Variants in UROS observed in about 807,000 individuals in gnomAD.
UROS encodes uroporphyrinogen III synthase, also known as uroporphyrinogen-III synthase.
A neutral mutation model predicts 33.0 loss-of-function variants in UROS; 18 were observed. That is an observed-to-expected ratio of 0.55 (90% CI 0.38 to 0.81). The LOEUF (loss-of-function observed/expected upper bound fraction) is 0.81, where lower values mean the gene tolerates loss of function less well. UROS is among the 30% of genes least tolerant of loss of function. The probability of loss-of-function intolerance (pLI) is 0.00; values close to 1 mark genes in which losing one functional copy is unlikely to be tolerated. For missense variants in UROS, 293 were observed against 314.9 expected, an observed-to-expected ratio of 0.93 and a Z score of 0.53; for synonymous variants, 114 against 121.1, an observed-to-expected ratio of 0.94 and a Z score of 0.38.
chr10:125,792,130 G>A (rs548107833), intron 9 of UROS: 1 of 152,054 alleles, frequency 6.6e-6, no homozygotes, highest in Non-Finnish European at 1.5e-5. Flanking sequence ...AAATTTTATG[G>A]TTTGTGAATT....
intron 5 of UROS, among the ~76,000 whole-genome samples, chr10:125,809,537 G>A (rs757435770): frequency 6.6e-6 from 1 of 152,122 alleles, no homozygotes; most frequent in East Asian, 1.9e-4. Context: ...GCCACTGTAA[G>A]TGAAACGACA....
intron 5 of UROS, among the ~76,000 whole-genome samples, chr10:125,811,861 T>C (rs1035388553): frequency 2.0e-5 from 3 of 152,032 alleles, no homozygotes; most frequent in Non-Finnish European, 4.4e-5. Context: ...AAAAAAATTA[T>C]AGTAAAAATA....
intron 6 of UROS, among the ~76,000 whole-genome samples, chr10:125,800,508 G>A (rs909124796): frequency 1.3e-5 from 2 of 152,054 alleles, no homozygotes; most frequent in African/African-American, 4.8e-5. Context: ...TCAATAATGA[G>A]GGAGAAACCT....
chr10:125,819,263 T>A (rs1035899398), intron 1 of UROS, among the ~76,000 whole-genome samples: 1 of 152,222 alleles, frequency 6.6e-6, no homozygotes, highest in Non-Finnish European at 1.5e-5. Flanking sequence ...ATTACAGGTG[T>A]GAGCCACTGC....
rs545922170 is a variant in UROS, at chr10:125,805,008, C to G, written c.394+2405G>C. On this transcript the variant is annotated intron_variant, in intron 6 of 9. Coordinates refer to ENST00000368797, the MANE Select transcript of UROS (RefSeq NM_000375.3). The stretch of plus-strand genomic sequence containing the variant: ...CCGAACCATATTGAACTGACTTGTT[C>G]TCCTGTGATGTGGGAAGCAATATGG... Among the ~76,000 whole-genome samples, 4 of 152,302 alleles carry G rather than the reference C, an allele frequency of 2.6e-5. No individual in the cohort carries two copies. The East Asian group carries it at 7.7e-4, about 29-fold the overall frequency.
intron 1 of UROS, among the ~76,000 whole-genome samples, chr10:125,817,825 G>A (rs1035965510): frequency 6.6e-6 from 1 of 152,082 alleles, no homozygotes; most frequent in African/African-American, 2.4e-5. Flanking sequence ...AACCCCCTAC[G>A]CTATATTATG....
chr10:125,821,766 G>A (rs1431811091), intron 1 of UROS, among the ~76,000 whole-genome samples: 1 of 152,020 alleles, frequency 6.6e-6, no homozygotes, highest in East Asian at 1.9e-4. Context: ...GGTCTTTTTT[G>A]ACAGCTTCCT....
rs1410274427 is a variant in UROS at position 125,822,749 on chromosome 10, G to A, written c.-27+280C>T. ...CTGGGATTACAGGCGCGAGACACCG[G>A]GCCCGGCCCCCCGCCGAAGCATTTT... On this transcript the variant is annotated intron_variant, in intron 1 of 9. Coordinates refer to ENST00000368797, the MANE Select transcript of UROS (RefSeq NM_000375.3). Among the ~76,000 whole-genome samples, 4 of 152,164 alleles carry A rather than the reference G, an allele frequency of 2.6e-5. No individual in the cohort carries two copies. The South Asian group carries it at 6.2e-4, about 24-fold the overall frequency.
intron 9 of UROS, among the ~76,000 whole-genome samples, chr10:125,790,403 C>T (rs879865116): frequency 1.3e-5 from 2 of 151,810 alleles, no homozygotes; most frequent in African/African-American, 2.4e-5. Context: ...ATACAACACC[C>T]GAAGCACAAG....
chr10:125,807,964 T>C (rs924296402), intron 5 of UROS, among the ~76,000 whole-genome samples: 20 of 152,198 alleles, frequency 1.3e-4, no homozygotes, highest in Non-Finnish European at 2.5e-4. Context: ...AAAGGTGTTA[T>C]GGCTTGACAT....
chr10:125,818,983 G>GTTT (rs58990660), intron 1 of UROS, among the ~76,000 whole-genome samples: 62,093 of 151,568 alleles, frequency 0.41, 13,050 homozygotes, highest in Non-Finnish European at 0.47. Flanking sequence ...CTGTTCTAAA[G>GTTT]TTTTTTGTTG....
chr10:125,785,731 C>T (rs528640182), downstream of UROS: 1 of 152,262 alleles, frequency 6.6e-6, no homozygotes, highest in African/African-American at 2.4e-5. Flanking sequence ...CTGCTAGCCC[C>T]TCTGGGCCTG....
At chr10:125,810,869 G>C (rs1852747451) in intron 5 of UROS, among the ~76,000 whole-genome samples, 1 of 152,210 alleles carries the variant, frequency 6.6e-6, no homozygotes. Context: ...TCCTTTCAAA[G>C]ACATTTTTAA....
intron 1 of UROS, among the ~76,000 whole-genome samples, chr10:125,816,992 T>C (rs1853385339): frequency 6.6e-6 from 1 of 152,230 alleles, no homozygotes; most frequent in South Asian, 2.1e-4. Flanking sequence ...TCAAGTATCA[T>C]AAGAGAGTCT....
intron 9 of UROS, among the ~76,000 whole-genome samples, chr10:125,790,640 C>A (rs1233995599): frequency 7.0e-6 from 1 of 143,732 alleles, no homozygotes; most frequent in Non-Finnish European, 1.5e-5. Flanking sequence ...GAAACCCCCT[C>A]TGTACTAAAA....
At chr10:125,822,247 C>T (rs1354527649) in intron 1 of UROS, among the ~76,000 whole-genome samples, 1 of 152,128 alleles carries the variant, frequency 6.6e-6, no homozygotes. Context: ...TGCAGTTGGC[C>T]GCAGTCCCCT....
chr10:125,802,151 G>A (rs1382597639), intron 6 of UROS: 1 of 985,328 alleles, frequency 1.0e-6, no homozygotes, highest in Non-Finnish European at 1.2e-6. Context: ...AACAACATTA[G>A]AAACAAAAAG....
chr10:125,801,547 G>A (rs1156989335), intron 6 of UROS, among the ~76,000 whole-genome samples: 3 of 152,202 alleles, frequency 2.0e-5, no homozygotes, highest in Non-Finnish European at 4.4e-5. Context: ...AGGCATCAAA[G>A]TTTACTGAGA....
intron 2 of UROS, 35 bp from the exon 3 acceptor site, chr10:125,816,295 G>T (rs780443648): frequency 6.2e-7 from 1 of 1,609,316 alleles, no homozygotes; most frequent in South Asian, 1.1e-5. Context: ...GATTGGCTAG[G>T]GCTGTTTTTA....
Sources: allele counts gnomAD v4.1 joint callset (sites outside exome capture counted in the v4.1 genomes callset), GRCh38; gene constraint gnomAD v4.1.1; transcripts MANE v1.5; gene names NCBI Gene and HGNC (gene_info 2026-07-23, HGNC 2026-07-21).